The following COL24A1 variants were observed in gnomAD, a reference collection of about 807,000 sequenced individuals.
COL24A1 encodes the protein collagen type XXIV alpha 1 chain, also known as collagen alpha-1(XXIV) chain.
In COL24A1, 224 loss-of-function variants were observed where a neutral mutation model predicts 253.9. The observed-to-expected ratio is 0.88, with a 90% CI of 0.79 to 0.99. The LOEUF (loss-of-function observed/expected upper bound fraction) is 0.99, where lower values mean the gene tolerates loss of function less well. Ranked by LOEUF, COL24A1 falls within the 50% of genes least tolerant of loss-of-function variation. The pLI is 0.00. For synonymous variants in COL24A1, 685 were observed against 673.7 expected (o/e 1.02, Z -0.26); for missense variants, 2,131 against 2,068.5 (o/e 1.03, Z -0.59).
intron 37 of COL24A1, among the ~76,000 whole-genome samples, chr1:85,854,246 T>C (rs938760422): frequency 4.6e-5 from 7 of 152,188 alleles, no homozygotes; most frequent in African/African-American, 1.7e-4. Flanking sequence ...CTTGTTATTA[T>C]CGGCTTTGTC....
At chr1:85,772,931 T>G (rs559549598) in intron 53 of COL24A1, among the ~76,000 whole-genome samples, 1 of 152,186 alleles carries the variant, frequency 6.6e-6, no homozygotes, top group Non-Finnish European at 1.5e-5. Context: ...GTTTCAGAGA[T>G]GAAGTCTTTG....
intron 37 of COL24A1, among the ~76,000 whole-genome samples, chr1:85,863,593 C>T (rs1332437271): frequency 1.3e-5 from 2 of 152,156 alleles, no homozygotes; most frequent in African/African-American, 2.4e-5. Context: ...GAAAAAGAAA[C>T]TACCATCAGA....
intron 28 of COL24A1, among the ~76,000 whole-genome samples, chr1:85,906,820 TG>T (rs1684883316): frequency 6.6e-6 from 1 of 151,984 alleles, no homozygotes; most frequent in African/African-American, 2.4e-5. Context: ...CACTTCTTAT[TG>T]CTTTTATTTT....
In COL24A1 at chr1:86,148,396, T is replaced by C. The variant is rs989358769; in HGVS notation, c.57-2213A>G. On this transcript the variant is annotated intron_variant, in intron 1 of 59. Coordinates refer to ENST00000370571, the MANE Select transcript of COL24A1 (RefSeq NM_152890.7). Reference sequence around the variant, plus strand: ...TAAGTTTTAGGGTACAAGTGCACAATGTGCAGGTTAGTTACATATGTATAC... The same window carrying C: ...TAAGTTTTAGGGTACAAGTGCACAACGTGCAGGTTAGTTACATATGTATAC... 4.6e-5 allele frequency among the ~76,000 whole-genome samples: 7 copies of C among 152,048 alleles called. No individual in the cohort carries two copies. The East Asian group carries it at 7.7e-4, about 17-fold the overall frequency.
chr1:85,939,967 T>G (rs942909694), intron 24 of COL24A1, among the ~76,000 whole-genome samples: 2 of 152,188 alleles, frequency 1.3e-5, no homozygotes, highest in Non-Finnish European at 2.9e-5. Context: ...ATCTACTTAC[T>G]GAGTCAGTCT....
chr1:85,850,372 G>T (rs969749050), intron 37 of COL24A1, among the ~76,000 whole-genome samples: 6 of 152,196 alleles, frequency 3.9e-5, no homozygotes, highest in Non-Finnish European at 7.4e-5. Flanking sequence ...ACTGTGCTAT[G>T]TAGGCTCTAG....
chr1:86,060,902 A>G (rs555064406), intron 8 of COL24A1, among the ~76,000 whole-genome samples: 1 of 151,832 alleles, frequency 6.6e-6, no homozygotes, highest in South Asian at 2.1e-4. Flanking sequence ...ATATATTTAC[A>G]TAATATTTTA....
intron 47 of COL24A1, among the ~76,000 whole-genome samples, chr1:85,811,879 A>T (rs1369693286): frequency 6.6e-6 from 1 of 152,234 alleles, no homozygotes; most frequent in Non-Finnish European, 1.5e-5. Context: ...TTTGGACCTC[A>T]TGACTGAGAA....
intron 52 of COL24A1, 71 bp downstream of exon 52, chr1:85,781,149 T>G (rs904900817): frequency 8.9e-7 from 1 of 1,120,256 alleles, no homozygotes; most frequent in Non-Finnish European, 1.3e-6. Flanking sequence ...GGCTAATTCT[T>G]TGTAGAATAT....
chr1:85,989,685 AC>A (rs1694063089), intron 19 of COL24A1, among the ~76,000 whole-genome samples: 1 of 151,760 alleles, frequency 6.6e-6, no homozygotes, highest in African/African-American at 2.4e-5. Flanking sequence ...TCTCTTCTTT[AC>A]TCTCTACCAC....
intron 19 of COL24A1, among the ~76,000 whole-genome samples, chr1:85,992,872 A>T (rs1694420459): frequency 6.6e-6 from 1 of 152,182 alleles, no homozygotes; most frequent in African/African-American, 2.4e-5. Flanking sequence ...GTGTCTTCTT[A>T]ATAGAACTAG....
chr1:86,084,891 C>T (rs1316754425), intron 7 of COL24A1, among the ~76,000 whole-genome samples: 2 of 152,054 alleles, frequency 1.3e-5, no homozygotes, highest in African/African-American at 4.8e-5. Context: ...GTGGTGGCAG[C>T]ACAACCCCCA....
intron 22 of COL24A1, among the ~76,000 whole-genome samples, chr1:85,969,647 T>C (rs1366473935): frequency 8.2e-6 from 1 of 121,266 alleles, no homozygotes; most frequent in Non-Finnish European, 1.7e-5. Context: ...GAAGAACCAG[T>C]ACTTTATGAT....
At chr1:86,012,813 T>C (rs961000218) in intron 19 of COL24A1, among the ~76,000 whole-genome samples, 1 of 152,294 alleles carries the variant, frequency 6.6e-6, no homozygotes, top group South Asian at 2.1e-4. Flanking sequence ...ATATATCTCC[T>C]GCCTACTTTT....
intron 12 of COL24A1, among the ~76,000 whole-genome samples, chr1:86,039,529 C>A (rs576560532): frequency 1.1e-4 from 17 of 152,022 alleles, no homozygotes; most frequent in South Asian, 1.0e-3. Context: ...ATACAAAAAC[C>A]CTTCTGGAGA....
chr1:85,943,474 C>G lies in COL24A1; in HGVS notation c.2562+17775G>C, dbSNP rs905639294. Among the ~76,000 whole-genome samples the G allele has an allele frequency of 2.6e-5, 4 of 152,230 alleles. No individual in the cohort carries two copies. In the East Asian group the frequency reaches 7.7e-4, roughly 29 times the overall value. The stretch of plus-strand genomic sequence containing the variant: ...ATGGGAAAGCTGAGTATCATTCTTT[C>G]ATACTGTATTCCTTACAACACAATG... On this transcript the variant is annotated intron_variant, in intron 24 of 59. Coordinates refer to ENST00000370571, the MANE Select transcript of COL24A1 (RefSeq NM_152890.7).
At chr1:86,033,965 A>C (rs1368813350) in intron 12 of COL24A1, 42 bp from the exon 13 acceptor site, 1 of 1,455,964 alleles carries the variant, frequency 6.9e-7, no homozygotes, top group Non-Finnish European at 9.2e-7. Flanking sequence ...TATATAAATA[A>C]TTCATTTTTG....
intron 5 of COL24A1, 116 bp from the exon 6 acceptor site, chr1:86,092,436 A>C: frequency 1.5e-6 from 1 of 668,288 alleles, no homozygotes; most frequent in South Asian, 2.3e-5. Flanking sequence ...AAATAAAATA[A>C]TTTTACATTG....
chr1:86,117,364 G>A (rs1353442474), intron 3 of COL24A1, among the ~76,000 whole-genome samples: 1 of 152,182 alleles, frequency 6.6e-6, no homozygotes, highest in Non-Finnish European at 1.5e-5. Context: ...GCACGAAGGT[G>A]CCATCTATAA....
Sources: gnomAD v4.1 joint callset for allele counts (sites outside exome capture counted in the v4.1 genomes callset) on GRCh38, gnomAD v4.1.1 for gene constraint, MANE v1.5 for transcripts, NCBI Gene and HGNC (gene_info 2026-07-23, HGNC 2026-07-21) for gene names.